NGEF: variants seen among roughly 807,000 people sequenced by gnomAD.
NGEF encodes neuronal guanine nucleotide exchange factor, also known as ephexin-1.
Under a neutral mutation model 80.9 loss-of-function variants are expected in NGEF, and 31 were observed. That is an observed-to-expected ratio of 0.38 (90% CI 0.29 to 0.52). NGEF has a LOEUF of 0.52. Among genes scored for constraint, NGEF ranks in the 20% least tolerant of loss-of-function variants. The pLI is 0.84. For missense variants in NGEF, 709 were observed against 926.2 expected (o/e 0.77, Z 3.04); for synonymous variants, 371 against 370.2 (o/e 1.00, Z -0.03).
chr2:232,928,198 A>G (rs1314926897), intron 3 of NGEF: 1 of 947,186 alleles, frequency 1.1e-6, no homozygotes, highest in Non-Finnish European at 1.2e-6. Context: ...TTGCCACGGC[A>G]ACGAGGGAGG....
Position 232,898,051 on chromosome 2 carries a change from G to C in NGEF, c.829-3135C>G, listed in dbSNP as rs959056734. On this transcript the variant is annotated intron_variant, in intron 5 of 14. Coordinates refer to ENST00000264051, the MANE Select transcript of NGEF (RefSeq NM_019850.3). ...CAGTGTCCACCGACACAAAAGTGAG[G>C]CTATGACGGGCAGCCAGTTTCCCAG... Among the ~76,000 whole-genome samples, 6 of 119,200 alleles carry C rather than the reference G, an allele frequency of 5.0e-5. No individual in the cohort carries two copies. The Admixed American group carries it at 5.9e-4, about 12-fold the overall frequency. The allele number at this position is 119,200 out of a possible 152,430, so 78.2% of individuals were successfully genotyped here. A position where few individuals can be genotyped will look rare whatever the true frequency, so the allele number is the denominator to read the frequency against.
chr2:232,904,646 A>G lies in NGEF; in HGVS notation c.829-9730T>C, dbSNP rs906452195. ...GGGACCAAGTGCTTCAGGACAAATTAAAAAACAAAAACTGAGGCCTAGCAT... is the reference window on the plus strand; with the variant it reads ...GGGACCAAGTGCTTCAGGACAAATTGAAAAACAAAAACTGAGGCCTAGCAT... On this transcript the variant is annotated intron_variant, in intron 5 of 14. Coordinates refer to ENST00000264051, the MANE Select transcript of NGEF (RefSeq NM_019850.3). Among the ~76,000 whole-genome samples the G allele has an allele frequency of 4.6e-5, 7 of 152,234 alleles. No individual in the cohort carries two copies. In the East Asian group the frequency reaches 1.3e-3, roughly 29 times the overall value.
intron 5 of NGEF, among the ~76,000 whole-genome samples, chr2:232,898,354 C>G (rs2592114): frequency 0.44 from 67,213 of 151,976 alleles, 15,130 homozygotes; most frequent in Admixed American, 0.52. Flanking sequence ...GACAGCATCT[C>G]TGTCCTGATC....
At chr2:232,902,668 A>G (rs1309444102) in intron 5 of NGEF, among the ~76,000 whole-genome samples, 1 of 152,238 alleles carries the variant, frequency 6.6e-6, no homozygotes, top group Non-Finnish European at 1.5e-5. Flanking sequence ...GCTTGAGAAC[A>G]TGTTCAGCCT....
At chr2:232,896,085 C>T (rs1692049353) in intron 5 of NGEF, among the ~76,000 whole-genome samples, 1 of 152,060 alleles carries the variant, frequency 6.6e-6, no homozygotes, top group Admixed American at 6.5e-5. Flanking sequence ...CAGTCGCTTC[C>T]CAGGAGGGAC....
intron 1 of NGEF, among the ~76,000 whole-genome samples, chr2:232,995,080 G>A (rs78632997): frequency 0.15 from 779 of 5,226 alleles, 104 homozygotes; most frequent in East Asian, 0.3. Context: ...TACTGTATAT[G>A]TGTACAGTAT....
chr2:232,934,349 A>G (rs1273647565), intron 3 of NGEF, among the ~76,000 whole-genome samples: 1 of 151,970 alleles, frequency 6.6e-6, no homozygotes, highest in Non-Finnish European at 1.5e-5. Flanking sequence ...GTAACACTAA[A>G]TGGAAGCTAT....
chr2:232,903,460 A>ACACC (rs1559201856), intron 5 of NGEF, among the ~76,000 whole-genome samples: 1 of 151,470 alleles, frequency 6.6e-6, no homozygotes, highest in African/African-American at 2.4e-5. Flanking sequence ...ACACACACAC[A>ACACC]CCTGAATATG....
chr2:232,933,308 G>A (rs1390375750), intron 3 of NGEF, among the ~76,000 whole-genome samples: 1 of 151,876 alleles, frequency 6.6e-6, no homozygotes, highest in Non-Finnish European at 1.5e-5. Flanking sequence ...ATAACTGACA[G>A]TGCACCCACC....
chr2:232,927,865 CG>C lies in NGEF; in HGVS notation c.384-680del. On this transcript the variant is annotated intron_variant, in intron 3 of 14. Transcript: ENST00000264051. ...AAAGAGGCACGCGGGGGCGGCGCGC[CG>C]GGGCCGGGACAGGCGCCCGTCCTCA... 5.6e-6 allele frequency: 7 copies of C among 1,250,754 alleles called. No homozygotes were observed. In the South Asian group the frequency reaches 8.7e-5, roughly 16 times the overall value. 77.5% of individuals were successfully genotyped at this position (1,250,754 alleles called of 1,614,324 possible). A position where few individuals can be genotyped will look rare whatever the true frequency, so the allele number is the denominator to read the frequency against.
At chr2:232,964,281 T>C (rs1355473048) in intron 3 of NGEF, among the ~76,000 whole-genome samples, 1 of 152,132 alleles carries the variant, frequency 6.6e-6, no homozygotes, top group Non-Finnish European at 1.5e-5. Flanking sequence ...ACAAAAAGAA[T>C]TGTCTAAGGA....
chr2:232,932,163 C>CTTTTTTTTT lies in NGEF; in HGVS notation c.384-4986_384-4978dup, dbSNP rs397988249. On this transcript the variant is annotated intron_variant, in intron 3 of 14. Coordinates refer to ENST00000264051, the MANE Select transcript of NGEF (RefSeq NM_019850.3). ...ATGAGTTCTCTCCAGAATCACCTTT[C>CTTTTTTTTT]TTTTTTTTTTTTTTTTTTTGAGACA... Among the ~76,000 whole-genome samples the CTTTTTTTTT allele has an allele frequency of 4.6e-3, 526 of 115,484 alleles. 8 individuals carry two copies. The highest frequency in any genetic ancestry group is 6.8e-3 in the Non-Finnish European group (398 of 58,756). 75.8% of individuals were successfully genotyped at this position (115,484 alleles called of 152,430 possible).
chr2:232,904,329 A>G (rs1029405291), intron 5 of NGEF, among the ~76,000 whole-genome samples: 1 of 151,908 alleles, frequency 6.6e-6, no homozygotes, highest in African/African-American at 2.4e-5. Flanking sequence ...CCTGGGTTCA[A>G]GTGATTCTCC....
At chr2:232,905,486 C>A (rs11682363) in intron 5 of NGEF, among the ~76,000 whole-genome samples, 58 of 152,162 alleles carry the variant, frequency 3.8e-4, no homozygotes, top group South Asian at 2.1e-4. Context: ...TCTTGGCCCC[C>A]CAAAGTGCGG....
chr2:232,916,929 A>G (rs1692815567), intron 5 of NGEF, among the ~76,000 whole-genome samples: 1 of 151,452 alleles, frequency 6.6e-6, no homozygotes. Flanking sequence ...AATACCCCAT[A>G]CTCTCTGCTA....
At position 232,892,925 on chromosome 2, in the gene NGEF, T is replaced by G. The variant is rs756205880; in HGVS notation, c.1115A>C (p.Tyr372Ser). ...VYITYVSNQT[Y>S]QERTYKQLLQ... is the part of the protein sequence containing the mutation. Reference sequence around the variant, plus strand: ...CAGCTGCTTATAGGTCCGCTCCTGGTAGGTCTGATTGCTGACGTAGGTGAT... The same window carrying G: ...CAGCTGCTTATAGGTCCGCTCCTGGGAGGTCTGATTGCTGACGTAGGTGAT... Residue 372 changes from tyrosine (Y) to serine (S), a missense_variant, in exon 7 of 15, where the codon TAC (tyrosine) becomes TCC (serine). This residue lies in a region of NGEF where 426 missense variants were observed against 622.9 expected (regional missense o/e 0.68). Transcript: ENST00000264051. This position sits in a 1 kb window ranked among gnomAD's most constrained non-coding sequence, Gnocchi z 4.0. The G allele has an allele frequency of 6.2e-7, 1 of 1,613,552 alleles. No individual in the cohort carries two copies. Among genetic ancestry groups the G allele is most frequent in the Non-Finnish European group, 8.5e-7 (1 of 1,179,936 alleles).
At chr2:232,883,287 G>C (rs1691574544) in intron 12 of NGEF, 24 bp downstream of exon 12, 1 of 1,569,214 alleles carries the variant, frequency 6.4e-7, no homozygotes, top group Non-Finnish European at 8.7e-7. Context: ...GGTAGCACTG[G>C]GCGTGTGGCG....
chr2:232,943,238 C>T (rs1693475832), intron 3 of NGEF, among the ~76,000 whole-genome samples: 1 of 148,914 alleles, frequency 6.7e-6, no homozygotes, highest in Non-Finnish European at 1.5e-5. Context: ...AGCATTTGTT[C>T]TTAAAAAAAA....
intron 5 of NGEF, among the ~76,000 whole-genome samples, chr2:232,895,209 C>T (rs1005215658): frequency 2.0e-5 from 3 of 152,092 alleles, no homozygotes; most frequent in Non-Finnish European, 4.4e-5. Flanking sequence ...AGCCTAAGAT[C>T]CAAAATATGA....
Sources: allele counts gnomAD v4.1 joint callset (sites outside exome capture counted in the v4.1 genomes callset), GRCh38; gene constraint gnomAD v4.1.1; regional missense constraint gnomAD v4.1.1; non-coding constraint Gnocchi (gnomAD v3.1); transcripts MANE v1.5; gene names NCBI Gene and HGNC (gene_info 2026-07-23, HGNC 2026-07-21).